ZFYVE1: variants seen among roughly 807,000 people sequenced by gnomAD.
ZFYVE1 encodes zinc finger FYVE domain-containing protein 1.
In ZFYVE1, 30 loss-of-function variants were observed where a neutral mutation model predicts 74.4. The observed-to-expected ratio is 0.40, with a 90% CI of 0.30 to 0.55. The LOEUF is 0.55. Among genes scored for constraint, ZFYVE1 ranks in the 20% least tolerant of loss-of-function variants. The probability of loss-of-function intolerance (pLI) is 0.42; values close to 1 mark genes in which losing one functional copy is unlikely to be tolerated. For synonymous variants in ZFYVE1, 335 were observed against 385.1 expected, an observed-to-expected ratio of 0.87 and a Z score of 1.52; for missense variants, 703 against 1,011.6, an observed-to-expected ratio of 0.69 and a Z score of 4.14.
At chr14:72,993,496 A>T in intron 3 of ZFYVE1, 139 bp from the exon 4 acceptor site, 5 of 672,414 alleles carry the variant, frequency 7.4e-6, no homozygotes, top group Non-Finnish European at 1.2e-5. Flanking sequence ...CGAGGTCAGG[A>T]GTTCAGCCTG....
chr14:72,989,073 A>G (rs1317879050), intron 4 of ZFYVE1, among the ~76,000 whole-genome samples: 2 of 151,308 alleles, frequency 1.3e-5, no homozygotes, highest in Non-Finnish European at 2.9e-5. Flanking sequence ...GACTACAGGC[A>G]CCCGCCACCA....
chr14:72,974,315 C>G (rs1439970563), intron 10 of ZFYVE1, 122 bp from the exon 11 acceptor site: 2 of 890,940 alleles, frequency 2.2e-6, no homozygotes, highest in Non-Finnish European at 3.6e-6. Context: ...TGTCCTGCAA[C>G]TACTGCAAGG....
At chr14:73,019,843 C>T (rs961759764) in intron 2 of ZFYVE1, among the ~76,000 whole-genome samples, 5 of 151,810 alleles carry the variant, frequency 3.3e-5, no homozygotes, top group Non-Finnish European at 7.4e-5. Flanking sequence ...CACAGCTACT[C>T]GGGAGGCTGA....
intron 4 of ZFYVE1, among the ~76,000 whole-genome samples, chr14:72,989,466 A>G (rs545800061): frequency 2.1e-4 from 32 of 152,304 alleles, no homozygotes; most frequent in African/African-American, 7.5e-4. Flanking sequence ...GGGGGGAGGT[A>G]GGGGAAGGAA....
chr14:73,010,408 C>A (rs918419294), intron 2 of ZFYVE1, among the ~76,000 whole-genome samples: 6 of 152,150 alleles, frequency 3.9e-5, no homozygotes, highest in Non-Finnish European at 5.9e-5. Flanking sequence ...TCGAGACCAG[C>A]CTGACCAACG....
At chr14:72,983,429 C>G (rs1255194774) in intron 4 of ZFYVE1, among the ~76,000 whole-genome samples, 1 of 146,970 alleles carries the variant, frequency 6.8e-6, no homozygotes, top group Non-Finnish European at 1.5e-5. Context: ...TCAATTCCCA[C>G]CTATAAGTGA....
At chr14:72,986,457 G>A (rs1475121590) in intron 4 of ZFYVE1, among the ~76,000 whole-genome samples, 1 of 139,110 alleles carries the variant, frequency 7.2e-6, no homozygotes, top group African/African-American at 2.7e-5. Context: ...AAGAGTGTGG[G>A]AAAATAACAG....
At chr14:72,997,700 G>A in intron 3 of ZFYVE1, 111 bp downstream of exon 3, 1 of 1,385,302 alleles carries the variant, frequency 7.2e-7, no homozygotes, top group Non-Finnish European at 9.8e-7. Context: ...GTCTTCTTTG[G>A]ACAGAAATCT....
chr14:73,011,827 C>T (rs1894097118), intron 2 of ZFYVE1, among the ~76,000 whole-genome samples: 1 of 145,452 alleles, frequency 6.9e-6, no homozygotes. Context: ...TGGCCTAAAA[C>T]ATTGTTTTAA....
At chr14:73,006,674 A>G (rs1893986687) in intron 2 of ZFYVE1, among the ~76,000 whole-genome samples, 1 of 150,718 alleles carries the variant, frequency 6.6e-6, no homozygotes, top group Non-Finnish European at 1.5e-5. Flanking sequence ...GTAAAATGAA[A>G]TATAACTGTA....
intron 11 of ZFYVE1, among the ~76,000 whole-genome samples, chr14:72,972,575 G>A (rs541602329): frequency 6.1e-4 from 93 of 152,334 alleles, no homozygotes; most frequent in African/African-American, 1.8e-3. Flanking sequence ...CCCCTACAAT[G>A]TGCCACGCTG....
chr14:72,998,339 ATG>A, intron 2 of ZFYVE1, 24 bp from the exon 3 acceptor site: 2 of 1,452,246 alleles, frequency 1.4e-6, no homozygotes, highest in Non-Finnish European at 1.8e-6. Context: ...AAAAAAGACC[ATG>A]AAATACAGAA....
chr14:73,005,316 T>C (rs1160353682), intron 2 of ZFYVE1, among the ~76,000 whole-genome samples: 1 of 152,162 alleles, frequency 6.6e-6, no homozygotes, highest in Non-Finnish European at 1.5e-5. Context: ...GCTCCAGCTC[T>C]ACTTGTTCGG....
chr14:73,025,475 CACTT>C (rs1396209980), intron 1 of ZFYVE1, among the ~76,000 whole-genome samples: 2 of 151,886 alleles, frequency 1.3e-5, no homozygotes, highest in East Asian at 3.9e-4. Flanking sequence ...GTGGGCAGAT[CACTT>C]GAGGTCAGGA....
chr14:73,026,994 T>TTCCTCAGGACACCGGCAGATCCA lies in ZFYVE1; in HGVS notation c.-526_-504dup, dbSNP rs2087452531. ...AGGGCGCCAGTGGGGGCAGAGGCTATTCCTCAGGACACCGGCAGATCCATC... is the reference window on the plus strand; with the variant it reads ...AGGGCGCCAGTGGGGGCAGAGGCTATTCCTCAGGACACCGGCAGATCCATCCTCAGGACACCGGCAGATCCATC... On this transcript the variant is annotated 5_prime_UTR_variant, in exon 1 of 12. In the 5' UTR this introduces an upstream ATG that the reference lacks. Transcript: ENST00000556143. 2.5e-6 allele frequency: 1 copy of TTCCTCAGGACACCGGCAGATCCA among 398,568 alleles called. No individual in the cohort carries two copies. Among genetic ancestry groups the TTCCTCAGGACACCGGCAGATCCA allele is most frequent in the African/African-American group, 2.1e-5 (1 of 48,622 alleles). 24.7% of individuals were successfully genotyped at this position (398,568 alleles called of 1,614,324 possible). A position where few individuals can be genotyped will look rare whatever the true frequency, so the allele number is the denominator to read the frequency against.
In ZFYVE1 at chr14:72,997,588, T is replaced by C. The variant is rs376171116; in HGVS notation, c.988+223A>G. Among the ~76,000 whole-genome samples, 31 of 152,334 alleles carry C rather than the reference T, an allele frequency of 2.0e-4. No homozygotes were observed. In the South Asian group the frequency reaches 3.9e-3, roughly 19 times the overall value. ...TCTTATCCAGATCACTAAGGACTTATATATTGCCAAAGCCAATTGGCAATT... is the reference window on the plus strand; with the variant it reads ...TCTTATCCAGATCACTAAGGACTTACATATTGCCAAAGCCAATTGGCAATT... On this transcript the variant is annotated intron_variant, in intron 3 of 11. Coordinates refer to ENST00000556143, the MANE Select transcript of ZFYVE1 (RefSeq NM_021260.4).
At chr14:72,985,174 G>A (rs1337301369) in intron 4 of ZFYVE1, among the ~76,000 whole-genome samples, 1 of 152,144 alleles carries the variant, frequency 6.6e-6, no homozygotes, top group Non-Finnish European at 1.5e-5. Flanking sequence ...CTTTTTTATT[G>A]AGACAGAGTC....
intron 4 of ZFYVE1, among the ~76,000 whole-genome samples, chr14:72,982,740 T>C (rs752783140): frequency 2.6e-5 from 4 of 152,192 alleles, no homozygotes; most frequent in Non-Finnish European, 5.9e-5. Context: ...GAAAGAAGCC[T>C]TAACAAAAGG....
chr14:72,981,665 A>G (rs916678164), intron 5 of ZFYVE1, 124 bp downstream of exon 5: 142 of 901,492 alleles, frequency 1.6e-4, no homozygotes, highest in Non-Finnish European at 2.4e-4. Context: ...GGATAATTTA[A>G]ATCAGAACCT....
Sources: gnomAD v4.1 joint callset for allele counts (sites outside exome capture counted in the v4.1 genomes callset) on GRCh38, gnomAD v4.1.1 for gene constraint, MANE v1.5 for transcripts, NCBI Gene and HGNC (gene_info 2026-07-23, HGNC 2026-07-21) for gene names.